HERC2: variants seen among roughly 807,000 people sequenced by gnomAD.
The protein encoded by HERC2 is HECT and RLD domain containing E3 ubiquitin protein ligase 2.
A neutral mutation model predicts 537.7 loss-of-function variants in HERC2; 102 were observed. That is an observed-to-expected ratio of 0.19 (90% CI 0.16 to 0.22). The LOEUF (loss-of-function observed/expected upper bound fraction) is 0.22. Among genes scored for constraint, HERC2 ranks in the 10% least tolerant of loss-of-function variants. The pLI is 1.00. For missense variants in HERC2, 4,236 were observed against 6,198.2 expected (o/e 0.68, Z 10.63); for synonymous variants, 2,224 against 2,466.2 (o/e 0.90, Z 2.91).
chr15:28,165,939 G>C (rs1200469539), intron 68 of HERC2, among the ~76,000 whole-genome samples: 1 of 152,144 alleles, frequency 6.6e-6, no homozygotes, highest in African/African-American at 2.4e-5. Flanking sequence ...TTCTCCACCA[G>C]AAAGAACTAG....
Position 28,182,599 on chromosome 15 carries a change from GC to G in HERC2, c.8826-88del. The G allele has an allele frequency of 4.9e-6, 5 of 1,020,004 alleles. No individual in the cohort carries two copies. The East Asian group carries it at 1.3e-4, about 26-fold the overall frequency. 63.2% of individuals were successfully genotyped at this position (1,020,004 alleles called of 1,614,324 possible). On this transcript the variant is annotated intron_variant, in intron 56 of 92. Transcript: ENST00000261609. ...AAAATAAAAAGAAAAGCAACCTCAA[GC>G]ACTCAAAGTTTTATGGTTACTTTCA...
At chr15:28,279,023 C>A (rs755459449) in intron 5 of HERC2, among the ~76,000 whole-genome samples, 2 of 152,180 alleles carry the variant, frequency 1.3e-5, no homozygotes, top group Non-Finnish European at 2.9e-5. Context: ...CTTTTTGAGA[C>A]AGAATTTCAT....
intron 58 of HERC2, 35 bp downstream of exon 58, chr15:28,179,107 A>G (rs1469553748): frequency 6.2e-7 from 1 of 1,600,644 alleles, no homozygotes; most frequent in Non-Finnish European, 8.5e-7. Flanking sequence ...TGCCAAGCAT[A>G]ATTTAAAAAT....
intron 71 of HERC2, 146 bp from the exon 72 acceptor site, chr15:28,144,950 T>C: frequency 2.1e-6 from 2 of 941,022 alleles, no homozygotes; most frequent in South Asian, 1.6e-5. Flanking sequence ...AAGTGCACAG[T>C]GACACAACAC....
intron 74 of HERC2, among the ~76,000 whole-genome samples, chr15:28,143,350 C>A (rs577929190): frequency 6.6e-6 from 1 of 152,144 alleles, no homozygotes; most frequent in African/African-American, 2.4e-5. Context: ...TCACAGCTGT[C>A]GAGACAGATT....
chr15:28,148,269 A>G (rs557804472), intron 70 of HERC2, among the ~76,000 whole-genome samples: 2 of 152,314 alleles, frequency 1.3e-5, no homozygotes, highest in East Asian at 1.9e-4. Flanking sequence ...CTACATTCCA[A>G]TGGAGACTAA....
chr15:28,111,549 C>G lies in HERC2; in HGVS notation c.*214G>C, dbSNP rs1887645899. 4 of 588,768 alleles carry G rather than the reference C, an allele frequency of 6.8e-6. No individual in the cohort carries two copies. The East Asian group carries it at 1.1e-4, about 16-fold the overall frequency. The allele number at this position is 588,768 out of a possible 1,614,324, so 36.5% of individuals were successfully genotyped here. A position where few individuals can be genotyped will look rare whatever the true frequency, so the allele number is the denominator to read the frequency against. On this transcript the variant is annotated 3_prime_UTR_variant, in exon 93 of 93. Transcript: ENST00000261609. ...ATGCAGCATTACGGGTGAGAAGACC[C>G]TTGGAAGTCGAGCGTCCACAGTGTT...
intron 30 of HERC2, among the ~76,000 whole-genome samples, chr15:28,231,944 T>G (rs1197084374): frequency 6.6e-6 from 1 of 152,048 alleles, no homozygotes; most frequent in Non-Finnish European, 1.5e-5. Context: ...GGATATGAGA[T>G]GGCAAATGTG....
At chr15:28,230,893 C>T (rs1208835646) in intron 30 of HERC2, among the ~76,000 whole-genome samples, 3 of 151,542 alleles carry the variant, frequency 2.0e-5, no homozygotes, top group Non-Finnish European at 1.5e-5. Context: ...TATGGTGCTA[C>T]AATTTTAGCT....
intron 55 of HERC2, among the ~76,000 whole-genome samples, chr15:28,189,224 C>A (rs576475779): frequency 1.2e-4 from 19 of 152,198 alleles, no homozygotes; most frequent in Non-Finnish European, 2.2e-4. Flanking sequence ...AGGAGTTTTC[C>A]ATTTACCTGC....
At chr15:28,236,929 TCTG>T in intron 26 of HERC2, 31 bp downstream of exon 26, 3 of 1,604,764 alleles carry the variant, frequency 1.9e-6, no homozygotes, top group Non-Finnish European at 2.6e-6. Flanking sequence ...AAAAAAATAA[TCTG>T]CTGATCAGCA....
chr15:28,254,742 CTGA>C (rs1427482175), intron 19 of HERC2, among the ~76,000 whole-genome samples: 1 of 152,222 alleles, frequency 6.6e-6, no homozygotes, highest in Non-Finnish European at 1.5e-5. Flanking sequence ...GCTGCCTCTG[CTGA>C]TGCTCTCCAG....
In HERC2 at chr15:28,114,592, A is replaced by G; in HGVS notation, c.13913+20T>C. The G allele has an allele frequency of 6.2e-7, 1 of 1,608,430 alleles. No individual in the cohort carries two copies. Among genetic ancestry groups the G allele is most frequent in the Non-Finnish European group, 8.5e-7 (1 of 1,175,850 alleles). ...CTTTTGCTATTTATGTCAATGCAAC[A>G]GAGACGGATGACCACCAACCTATAG... On this transcript the variant is annotated intron_variant, in intron 90 of 92. Transcript: ENST00000261609.
In HERC2 at chr15:28,301,052, A is replaced by T. The variant is rs59929119; in HGVS notation, c.73-1536T>A. 7.4e-4 allele frequency among the ~76,000 whole-genome samples: 112 copies of T among 151,960 alleles called. No homozygotes were observed. The Middle Eastern group carries it at 0.01, about 14-fold the overall frequency. ...TCCCAATAAAAGACGCTAGGGCTCT[A>T]GGGAAAATAAGTAGATTCAAGGGCC... On this transcript the variant is annotated intron_variant, in intron 2 of 92. Coordinates refer to ENST00000261609, the MANE Select transcript of HERC2 (RefSeq NM_004667.6).
intron 69 of HERC2, among the ~76,000 whole-genome samples, chr15:28,162,693 T>C (rs1487171794): frequency 6.6e-6 from 1 of 151,912 alleles, no homozygotes; most frequent in Non-Finnish European, 1.5e-5. Flanking sequence ...ATCAAGACCA[T>C]CCTGGCTAAC....
At chr15:28,117,998 T>TACA in intron 86 of HERC2, 1 of 214,358 alleles carries the variant, frequency 4.7e-6, no homozygotes, top group Non-Finnish European at 9.4e-6. Context: ...AGTGAAGCTC[T>TACA]CTTCACCTTT....
intron 14 of HERC2, among the ~76,000 whole-genome samples, chr15:28,264,035 A>AC (rs1415138107): frequency 2.0e-5 from 3 of 151,254 alleles, no homozygotes; most frequent in African/African-American, 7.3e-5. Context: ...AAAAAAAAAA[A>AC]AAACAAACAA....
At chr15:28,292,230 CAAAAAAAAAAAAAA>C (rs34513876) in intron 4 of HERC2, among the ~76,000 whole-genome samples, 85 of 67,498 alleles carry the variant, frequency 1.3e-3, no homozygotes, top group South Asian at 7.6e-3. Context: ...ACTCCATCTC[CAAAAAAAAAAAAAA>C]AAAAAAAAAC....
intron 78 of HERC2, 60 bp from the exon 79 acceptor site, chr15:28,135,752 C>T: frequency 1.6e-6 from 2 of 1,253,752 alleles, no homozygotes; most frequent in Non-Finnish European, 1.2e-6. Context: ...CCTAAATTTA[C>T]TAATTCATAA....
Sources: allele counts gnomAD v4.1 joint callset (sites outside exome capture counted in the v4.1 genomes callset), GRCh38; gene constraint gnomAD v4.1.1; transcripts MANE v1.5; gene names NCBI Gene and HGNC (gene_info 2026-07-23, HGNC 2026-07-21).